FRYL: variants seen among roughly 807,000 people sequenced by gnomAD.
The protein encoded by FRYL is FRY like transcription coactivator, also known as protein furry homolog-like.
A neutral mutation model predicts 351.2 loss-of-function variants in FRYL; 150 were observed. The ratio of observed to expected loss-of-function variants is 0.43; its 90% confidence interval spans 0.37 to 0.49. FRYL has a LOEUF of 0.49. Among genes scored for constraint, FRYL ranks in the 20% least tolerant of loss-of-function variants. The pLI, the probability that FRYL is intolerant of heterozygous loss-of-function variation, is 0.00. For synonymous variants in FRYL, 1,153 were observed against 1,257.1 expected (o/e 0.92, Z 1.75); for missense variants, 3,036 against 3,619.3 (o/e 0.84, Z 4.13).
chr4:48,578,918 A>G (rs1740264103), intron 23 of FRYL, 55 bp downstream of exon 23: 1 of 1,443,532 alleles, frequency 6.9e-7, no homozygotes, highest in Non-Finnish European at 9.4e-7. Context: ...AAATAAATAC[A>G]TATGAAAGCT....
At chr4:48,702,667 A>G (rs1766882205) in intron 2 of FRYL, among the ~76,000 whole-genome samples, 1 of 149,158 alleles carries the variant, frequency 6.7e-6, no homozygotes, top group South Asian at 2.1e-4. Flanking sequence ...TAGAGGCTGA[A>G]GCAGAATGGT....
chr4:48,543,164 T>G (rs1308695012), intron 44 of FRYL, among the ~76,000 whole-genome samples: 1 of 152,222 alleles, frequency 6.6e-6, no homozygotes, highest in Non-Finnish European at 1.5e-5. Flanking sequence ...CCCCAGATCA[T>G]AAACAGAACC....
At chr4:48,505,129 T>C (rs549311748) in intron 60 of FRYL, among the ~76,000 whole-genome samples, 130 of 152,322 alleles carry the variant, frequency 8.5e-4, no homozygotes, top group African/African-American at 3.1e-3. Context: ...CATTATAATT[T>C]ATCCAATTCT....
rs574167046 is a variant in FRYL, at chr4:48,714,157, C to T, written c.-383-3459G>A. On this transcript the variant is annotated intron_variant, in intron 1 of 63. Coordinates refer to ENST00000358350, the MANE Select transcript of FRYL (RefSeq NM_015030.2). ...GGAAATTTACAGCACTAAATGCCCA[C>T]AAGAGAAAGCAGGAAAGATTCAAAA... Among the ~76,000 whole-genome samples, 16 of 152,194 alleles carry T rather than the reference C, an allele frequency of 1.1e-4. No individual in the cohort carries two copies. In the South Asian group the frequency reaches 3.3e-3, roughly 32 times the overall value.
intron 1 of FRYL, among the ~76,000 whole-genome samples, chr4:48,759,178 T>A (rs1377776165): frequency 1.3e-5 from 2 of 152,038 alleles, no homozygotes; most frequent in South Asian, 2.1e-4. Context: ...CATGTATACA[T>A]ATGTAACAAA....
At chr4:48,669,924 T>C (rs545988103) in intron 3 of FRYL, among the ~76,000 whole-genome samples, 42 of 152,138 alleles carry the variant, frequency 2.8e-4, no homozygotes, top group African/African-American at 9.9e-4. Flanking sequence ...ACTGTCAATT[T>C]TTTTTTTACA....
intron 1 of FRYL, among the ~76,000 whole-genome samples, chr4:48,735,946 A>G (rs1384497827): frequency 1.1e-4 from 11 of 96,468 alleles, no homozygotes; most frequent in African/African-American, 3.3e-4. Flanking sequence ...CAATGTGCAC[A>G]TGTACCCTAA....
chr4:48,663,344 T>A (rs1373824876), intron 3 of FRYL, among the ~76,000 whole-genome samples: 5 of 144,000 alleles, frequency 3.5e-5, no homozygotes, highest in Admixed American at 3.5e-4. Context: ...TAATTTAATT[T>A]AATTTAATTT....
intron 25 of FRYL, chr4:48,574,572 A>G (rs1404798681): frequency 6.6e-6 from 1 of 152,230 alleles, no homozygotes; most frequent in African/African-American, 2.4e-5. Flanking sequence ...ACAAAACATC[A>G]GATACCATTC....
rs182745430 is a variant in FRYL at position 48,710,907 on chromosome 4, G to C, written c.-383-209C>G. On this transcript the variant is annotated intron_variant, in intron 1 of 63. Transcript: ENST00000358350. ...AATATGTATACAAATGTTCATAGCA[G>C]CATTATTTGTAATGGTCAAAAGGCA... is the stretch of plus-strand genomic sequence containing the variant. 1.6e-3 allele frequency among the ~76,000 whole-genome samples: 237 copies of C among 152,238 alleles called. 3 individuals carry two copies. Among genetic ancestry groups the C allele is most frequent in the South Asian group, 0.013 (61 of 4,828 alleles).
At chr4:48,601,860 T>C (rs1030141907) in intron 13 of FRYL, among the ~76,000 whole-genome samples, 160 bp downstream of exon 13, 3 of 152,160 alleles carry the variant, frequency 2.0e-5, no homozygotes, top group African/African-American at 7.2e-5. Flanking sequence ...TGATTCCCTA[T>C]AGAAGAAATA....
intron 1 of FRYL, among the ~76,000 whole-genome samples, chr4:48,726,499 T>G (rs1383210365): frequency 1.3e-5 from 2 of 152,116 alleles, no homozygotes; most frequent in African/African-American, 4.8e-5. Flanking sequence ...CTGGCCAACA[T>G]GGTGAAACCC....
intron 1 of FRYL, among the ~76,000 whole-genome samples, chr4:48,756,843 G>A (rs1411055603): frequency 6.6e-6 from 1 of 152,192 alleles, no homozygotes; most frequent in East Asian, 1.9e-4. Context: ...AGCTACTTGG[G>A]AGGCTGAAGT....
chr4:48,601,506 G>A (rs538258885), intron 13 of FRYL, among the ~76,000 whole-genome samples: 29 of 152,238 alleles, frequency 1.9e-4, no homozygotes, highest in Admixed American at 1.8e-3. Flanking sequence ...TAGTGTTAAT[G>A]ACAAGTACCC....
chr4:48,576,255 G>T (rs1357646147), intron 23 of FRYL, 33 bp from the exon 24 acceptor site: 1 of 1,445,808 alleles, frequency 6.9e-7, no homozygotes, highest in Admixed American at 2.3e-5. Flanking sequence ...AGGCAGATAT[G>T]AATAACACAA....
intron 1 of FRYL, among the ~76,000 whole-genome samples, chr4:48,737,432 G>A (rs1252093091): frequency 6.6e-6 from 1 of 152,072 alleles, no homozygotes; most frequent in Non-Finnish European, 1.5e-5. Flanking sequence ...ATTCACACAA[G>A]AAGAAATAGG....
At chr4:48,598,444 A>T (rs1045509516) in intron 13 of FRYL, among the ~76,000 whole-genome samples, 3 of 152,204 alleles carry the variant, frequency 2.0e-5, no homozygotes, top group Non-Finnish European at 4.4e-5. Context: ...ACCCACAAAA[A>T]TTAAAAATAA....
intron 3 of FRYL, among the ~76,000 whole-genome samples, chr4:48,682,322 G>A (rs1019164610): frequency 6.6e-6 from 1 of 152,062 alleles, no homozygotes; most frequent in Non-Finnish European, 1.5e-5. Context: ...AAAAACCCTA[G>A]AAGAAAACCC....
At chr4:48,568,228 T>G (rs1182719368) in intron 27 of FRYL, among the ~76,000 whole-genome samples, 2 of 152,190 alleles carry the variant, frequency 1.3e-5, no homozygotes, top group Admixed American at 1.3e-4. Flanking sequence ...CCCGCCTTGG[T>G]GACAGAGCAA....
Sources: allele counts gnomAD v4.1 joint callset (sites outside exome capture counted in the v4.1 genomes callset), GRCh38; gene constraint gnomAD v4.1.1; transcripts MANE v1.5; gene names NCBI Gene and HGNC (gene_info 2026-07-23, HGNC 2026-07-21).